SSBP4: variants seen among roughly 807,000 people sequenced by gnomAD.
The protein encoded by SSBP4 is single stranded DNA binding protein 4.
SSBP4 carries 33 observed loss-of-function variants against 64.6 expected under a neutral mutation model. The ratio of observed to expected loss-of-function variants is 0.51; its 90% confidence interval spans 0.39 to 0.68. The LOEUF (loss-of-function observed/expected upper bound fraction) is 0.68, where lower values mean the gene tolerates loss of function less well. SSBP4 is among the 30% of genes least tolerant of loss of function. The probability of loss-of-function intolerance (pLI) is 0.00; values close to 1 mark genes in which losing one functional copy is unlikely to be tolerated. For synonymous variants in SSBP4, 243 were observed against 224.0 expected (o/e 1.08, Z -0.76); for missense variants, 583 against 566.8 (o/e 1.03, Z -0.29).
the SSBP4 span, among the ~76,000 whole-genome samples, chr19:18,413,730 C>CA: frequency 4.6e-5 from 7 of 152,024 alleles, no homozygotes; most frequent in African/African-American, 1.4e-4. Context: ...GGGGCATTCC[C>CA]AGGGCAGGCA....
In SSBP4 at chr19:18,432,151, A is replaced by G. The variant is rs150124138; in HGVS notation, c.641A>G (p.Tyr214Cys). Residue 214 changes from tyrosine to cysteine, a missense_variant, in exon 10 of 18, where the codon TAT (tyrosine) becomes TGT (cysteine). By Grantham distance (194) the Tyr-to-Cys change is radical. Transcript: ENST00000270061. ...RGMASVGPQS[Y>C]GGGMRPPPNS... ...ACAGCCCCTTTGCCTCCGCAGAGCT[A>G]TGGAGGTGGCATGCGACCCCCACCC... 6 of 1,613,010 alleles carry G rather than the reference A, an allele frequency of 3.7e-6. No homozygotes were observed. The highest frequency in any genetic ancestry group is 5.1e-6 in the Non-Finnish European group (6 of 1,179,956).
chr19:18,412,907 G>C, the SSBP4 span, among the ~76,000 whole-genome samples: 2 of 152,158 alleles, frequency 1.3e-5, 1 homozygote, highest in South Asian at 4.1e-4. Flanking sequence ...AGATTCAAGG[G>C]CAGGTGGGAT....
upstream of SSBP4, among the ~76,000 whole-genome samples, chr19:18,418,102 C>A (rs1164435964): frequency 6.6e-6 from 1 of 152,122 alleles, no homozygotes; most frequent in Admixed American, 6.5e-5. This position sits in a 1 kb window ranked among gnomAD's most constrained non-coding sequence, Gnocchi z 6.7. Flanking sequence ...CTGAGCGACT[C>A]GGCCCGACTC....
At chr19:18,420,960 G>A (rs1049620671) in intron 1 of SSBP4, among the ~76,000 whole-genome samples, 1 of 152,022 alleles carries the variant, frequency 6.6e-6, no homozygotes. Flanking sequence ...GGAGTGGCCC[G>A]TGGTGTGGAA....
At chr19:18,429,298 C>T (rs1004451781) in intron 4 of SSBP4, among the ~76,000 whole-genome samples, 6 of 151,756 alleles carry the variant, frequency 4.0e-5, no homozygotes, top group South Asian at 2.1e-4. Flanking sequence ...CTTGGCGTCT[C>T]CAGGAAACGC....
intron 1 of SSBP4, among the ~76,000 whole-genome samples, chr19:18,421,684 C>T (rs1972477117): frequency 6.6e-6 from 1 of 152,180 alleles, no homozygotes; most frequent in Non-Finnish European, 1.5e-5. Context: ...TGATATGGGA[C>T]CAGGAAAAGG....
At chr19:18,415,366 G>C (rs988238926), upstream of SSBP4, among the ~76,000 whole-genome samples, 4 of 152,140 alleles carry the variant, frequency 2.6e-5, no homozygotes, top group Admixed American at 1.3e-4. Context: ...AAAACCACCA[G>C]CAGGAAAACC....
At chr19:18,406,909 C>T in the SSBP4 span, among the ~76,000 whole-genome samples, 562 of 152,228 alleles carry the variant, frequency 3.7e-3, 5 homozygotes, top group African/African-American at 0.013. Context: ...TGGACCTATA[C>T]GCATTCATTC....
chr19:18,408,100 G>A, the SSBP4 span, among the ~76,000 whole-genome samples: 7 of 152,202 alleles, frequency 4.6e-5, no homozygotes, highest in Non-Finnish European at 8.8e-5. Context: ...GAGTCGTGGG[G>A]AAATAAAACG....
chr19:18,407,289 C>G, the SSBP4 span, among the ~76,000 whole-genome samples: 2 of 151,924 alleles, frequency 1.3e-5, no homozygotes, highest in Non-Finnish European at 2.9e-5. Flanking sequence ...CCTCCCACCT[C>G]GGCCTCCCAG....
At chr19:18,432,529 C>G (rs1343553831) in intron 10 of SSBP4, 30 bp from the exon 11 acceptor site, 1 of 1,552,008 alleles carries the variant, frequency 6.4e-7, no homozygotes, top group Non-Finnish European at 8.7e-7. Flanking sequence ...TGGACTAGCC[C>G]CAGAGTCTGT....
chr19:18,406,872 C>A, the SSBP4 span, among the ~76,000 whole-genome samples: 1 of 152,134 alleles, frequency 6.6e-6, no homozygotes, highest in East Asian at 1.9e-4. Context: ...AAAGGAACGG[C>A]TGGAAGGTGG....
chr19:18,430,195 C>G (rs1014884291), intron 4 of SSBP4, among the ~76,000 whole-genome samples: 7 of 152,134 alleles, frequency 4.6e-5, no homozygotes, highest in African/African-American at 1.7e-4. Context: ...CCCTCATAGA[C>G]TGGGCCTCCC....
rs199519261 is a variant in SSBP4 at position 18,432,545 on chromosome 19, G to T, written c.705-14G>T. On this transcript the variant is annotated splice_polypyrimidine_tract_variant and intron_variant, in intron 10 of 17. Coordinates refer to ENST00000270061, the MANE Select transcript of SSBP4 (RefSeq NM_032627.5). The stretch of plus-strand genomic sequence containing the variant: ...GGACTAGCCCCAGAGTCTGTCATCC[G>T]CGGTCTCTTCCAGGGGCCCAGGAGT... The T allele has an allele frequency of 8.3e-6, 13 of 1,566,840 alleles. No homozygotes were observed. The African/African-American group carries it at 1.5e-4, about 18-fold the overall frequency.
Position 18,427,847 on chromosome 19 carries a change from A to AG in SSBP4, c.194+39dup. On this transcript the variant is annotated intron_variant, in intron 3 of 17. Coordinates refer to ENST00000270061, the MANE Select transcript of SSBP4 (RefSeq NM_032627.5). The surrounding 1 kb of genome is among the most constrained non-coding windows in gnomAD (Gnocchi z 4.4). ...TGGGCTGCTGTGGGTGGGCTGTGGA[A>AG]GGGGGTTGAGGGAGGCACGTGGAGC... 6.2e-7 allele frequency: 1 copy of AG among 1,613,458 alleles called. No homozygotes were observed. Among genetic ancestry groups the AG allele is most frequent in the African/African-American group, 1.3e-5 (1 of 75,006 alleles).
rs1002787875 is a variant in SSBP4, at chr19:18,434,452, C to G, written c.*206C>G. 6.0e-6 allele frequency: 6 copies of G among 993,384 alleles called. No homozygotes were observed. The East Asian group carries it at 1.5e-4, about 25-fold the overall frequency. The allele number at this position is 993,384 out of a possible 1,614,324, so 61.5% of individuals were successfully genotyped here. A position where few individuals can be genotyped will look rare whatever the true frequency, so the allele number is the denominator to read the frequency against. ...ACGTTCTTTTCTGTATGGACCCTTC[C>G]TGCCATTTGTATTTTGTCCCAGAGA... On this transcript the variant is annotated 3_prime_UTR_variant, in exon 18 of 18. Transcript: ENST00000270061.
Position 18,419,480 on chromosome 19 carries a change from C to A in SSBP4, c.-169C>A. ...GGGCCGGAGCTGGAGCCGCCGCTGC[C>A]GCCGCCGCCGCGGCCGTCTGGAGCT... is the stretch of plus-strand genomic sequence containing the variant. On this transcript the variant is annotated 5_prime_UTR_variant, in exon 1 of 18. Transcript: ENST00000270061. 9.4e-7 allele frequency: 1 copy of A among 1,069,208 alleles called. No individual in the cohort carries two copies. Among genetic ancestry groups the A allele is most frequent in the South Asian group, 4.4e-5 (1 of 22,812 alleles). The allele number at this position is 1,069,208 out of a possible 1,614,324, so 66.2% of individuals were successfully genotyped here. A position where few individuals can be genotyped will look rare whatever the true frequency, so the allele number is the denominator to read the frequency against.
At chr19:18,403,862 C>A in the SSBP4 span, among the ~76,000 whole-genome samples, 7 of 152,188 alleles carry the variant, frequency 4.6e-5, no homozygotes, top group East Asian at 1.2e-3. Flanking sequence ...CAAGGCTCCA[C>A]TGGCCTCATC....
At position 18,423,230 on chromosome 19, in the gene SSBP4, G is replaced by A. The variant is rs1295363817; in HGVS notation, c.59+3523G>A. On this transcript the variant is annotated intron_variant, in intron 1 of 17. Transcript: ENST00000270061. The surrounding 1 kb of genome is among the most constrained non-coding windows in gnomAD (Gnocchi z 4.0). ...GTTGGTGTTGCCTGGCAGCTCGTGGGTTTCTCCCGGGCTTGATTTTGAGCC... is the reference window on the plus strand; with the variant it reads ...GTTGGTGTTGCCTGGCAGCTCGTGGATTTCTCCCGGGCTTGATTTTGAGCC... Among the ~76,000 whole-genome samples the A allele has an allele frequency of 6.6e-6, 1 of 152,202 alleles. No individual in the cohort carries two copies. The highest frequency in any genetic ancestry group is 1.5e-5 in the Non-Finnish European group (1 of 68,034).
Sources: gnomAD v4.1 joint callset for allele counts (sites outside exome capture counted in the v4.1 genomes callset) on GRCh38, gnomAD v4.1.1 for gene constraint, Gnocchi (gnomAD v3.1) non-coding constraint, MANE v1.5 for transcripts, NCBI Gene and HGNC (gene_info 2026-07-23, HGNC 2026-07-21) for gene names.